RGS7: variants seen among roughly 807,000 people sequenced by gnomAD.
The protein encoded by RGS7 is regulator of G-protein signaling 7.
A neutral mutation model predicts 81.1 loss-of-function variants in RGS7; 27 were observed. The observed-to-expected ratio is 0.33, with a 90% CI of 0.25 to 0.46. The LOEUF is 0.46. Ranked by LOEUF, RGS7 falls within the 20% of genes least tolerant of loss-of-function variation. RGS7 has a pLI of 1.00. For synonymous variants in RGS7, 208 were observed against 207.7 expected, an observed-to-expected ratio of 1.00 and a Z score of -0.01; for missense variants, 396 against 607.4, an observed-to-expected ratio of 0.65 and a Z score of 3.66.
chr1:241,078,301 CTGTGTGTGTG>C (rs71568986), intron 3 of RGS7, among the ~76,000 whole-genome samples: 42 of 130,268 alleles, frequency 3.2e-4, no homozygotes, highest in Non-Finnish European at 4.3e-4. Context: ...CTTCTGGTCT[CTGTGTGTGTG>C]TGTGTGTGTG....
At chr1:240,953,092 T>C (rs1240930099) in intron 4 of RGS7, among the ~76,000 whole-genome samples, 1 of 151,718 alleles carries the variant, frequency 6.6e-6, no homozygotes, top group African/African-American at 2.4e-5. Flanking sequence ...TAGAGAGAAC[T>C]GAAAGGAAAA....
At chr1:241,240,726 C>A (rs2076221803) in intron 2 of RGS7, among the ~76,000 whole-genome samples, 1 of 152,108 alleles carries the variant, frequency 6.6e-6, no homozygotes, top group Non-Finnish European at 1.5e-5. Flanking sequence ...TAATGTTAAT[C>A]ATAACATGGA....
At chr1:241,354,051 G>A (rs1242664862) in intron 2 of RGS7, among the ~76,000 whole-genome samples, 4 of 152,018 alleles carry the variant, frequency 2.6e-5, no homozygotes, top group Admixed American at 1.3e-4. Flanking sequence ...AAACAGAGAG[G>A]GAATACAATT....
At chr1:240,793,312 A>G (rs888093852) in intron 18 of RGS7, among the ~76,000 whole-genome samples, 6 of 152,122 alleles carry the variant, frequency 3.9e-5, no homozygotes, top group Non-Finnish European at 7.3e-5. Flanking sequence ...GGTCTGATAC[A>G]TTGCACACCA....
chr1:240,915,499 G>T (rs879942368), intron 6 of RGS7, among the ~76,000 whole-genome samples: 10 of 152,140 alleles, frequency 6.6e-5, no homozygotes, highest in Admixed American at 5.9e-4. Flanking sequence ...TTAAGAAGAA[G>T]TTTCTAGGAA....
Position 240,970,235 on chromosome 1 carries a change from GC to G in RGS7, c.226+12843del, listed in dbSNP as rs562059940. On this transcript the variant is annotated intron_variant, in intron 4 of 18. Transcript: ENST00000440928. ...CAGCCAGAAACTCAAACCTGAAAAA[GC>G]CTTTATCAACGGGAAAGATGGTCTG... Among the ~76,000 whole-genome samples the G allele has an allele frequency of 2.6e-5, 4 of 152,174 alleles. No homozygotes were observed. In the South Asian group the frequency reaches 6.2e-4, roughly 24 times the overall value.
intron 2 of RGS7, among the ~76,000 whole-genome samples, chr1:241,100,172 G>C (rs910697728): frequency 1.3e-5 from 2 of 150,570 alleles, no homozygotes; most frequent in African/African-American, 2.4e-5. Flanking sequence ...TCAGGAGATC[G>C]AGACCATCCT....
intron 2 of RGS7, among the ~76,000 whole-genome samples, chr1:241,166,247 A>G (rs1422866176): frequency 6.6e-6 from 1 of 152,238 alleles, no homozygotes; most frequent in East Asian, 1.9e-4. Flanking sequence ...TGAGTGGGGA[A>G]AACATTTTAG....
intron 2 of RGS7, among the ~76,000 whole-genome samples, chr1:241,133,168 C>T (rs999485701): frequency 1.3e-5 from 2 of 151,450 alleles, no homozygotes; most frequent in African/African-American, 4.9e-5. Context: ...AAGTGAAATG[C>T]TTTTTATTTA....
chr1:241,152,140 C>CAA lies in RGS7; in HGVS notation c.79-53380_79-53379dup, dbSNP rs112950850. On this transcript the variant is annotated intron_variant, in intron 2 of 18. Transcript: ENST00000440928. ...CCAATAATTCCAGCTCATTAGCAGCCAAAAAAAAAAAAAAAGATCTTTGGG... is the reference window on the plus strand; with the variant it reads ...CCAATAATTCCAGCTCATTAGCAGCCAAAAAAAAAAAAAAAAAGATCTTTGGG... Among the ~76,000 whole-genome samples the CAA allele has an allele frequency of 3.0e-3, 321 of 108,488 alleles. 1 individual carries two copies. The highest frequency in any genetic ancestry group is 4.0e-3 in the Non-Finnish European group (187 of 47,262). 71.2% of individuals were successfully genotyped at this position (108,488 alleles called of 152,430 possible).
chr1:241,313,858 T>G (rs1226852246), intron 2 of RGS7, among the ~76,000 whole-genome samples: 1 of 152,166 alleles, frequency 6.6e-6, no homozygotes, highest in East Asian at 1.9e-4. Context: ...CCAACCCTCA[T>G]GGGTGACTTA....
chr1:240,815,886 A>C (rs1381813578), intron 11 of RGS7, among the ~76,000 whole-genome samples: 1 of 152,264 alleles, frequency 6.6e-6, no homozygotes, highest in Non-Finnish European at 1.5e-5. Context: ...AGAAATCAGC[A>C]CTGCAGAAAG....
At chr1:240,988,790 G>A (rs9786932) in intron 3 of RGS7, among the ~76,000 whole-genome samples, 65,212 of 151,906 alleles carry the variant, frequency 0.43, 14,523 homozygotes, top group African/African-American at 0.54. Flanking sequence ...ATTAATGGCC[G>A]GTGTCCTAGT....
At chr1:240,818,084 T>G (rs543818945) in intron 10 of RGS7, among the ~76,000 whole-genome samples, 20 of 152,336 alleles carry the variant, frequency 1.3e-4, no homozygotes, top group African/African-American at 3.8e-4. Context: ...TTTTTCTTTT[T>G]TTATAATGCC....
At chr1:241,137,954 T>TGA (rs2067641351) in intron 2 of RGS7, among the ~76,000 whole-genome samples, 1 of 152,128 alleles carries the variant, frequency 6.6e-6, no homozygotes, top group Admixed American at 6.5e-5. Context: ...GCAGATCACC[T>TGA]GAGGTCGGGA....
chr1:240,944,278 GTGTGTATATATATATATA>G (rs1423535237), intron 4 of RGS7, among the ~76,000 whole-genome samples: 91 of 20,434 alleles, frequency 4.5e-3, no homozygotes, highest in African/African-American at 0.013. Context: ...GTGTGTGTGT[GTGTGTATATATATATATA>G]TATATATATA....
intron 9 of RGS7, among the ~76,000 whole-genome samples, chr1:240,858,218 T>C (rs1661510211): frequency 6.6e-6 from 1 of 152,238 alleles, no homozygotes; most frequent in Non-Finnish European, 1.5e-5. Context: ...TAGGTTTTTG[T>C]GTGAACAGAA....
chr1:241,069,292 C>G (rs115868543), intron 3 of RGS7, among the ~76,000 whole-genome samples: 4,569 of 152,220 alleles, frequency 0.03, 83 homozygotes, highest in Middle Eastern at 0.058. Context: ...GCAATTGATT[C>G]TCACTTATTC....
intron 14 of RGS7, among the ~76,000 whole-genome samples, chr1:240,811,056 G>C (rs1161781589): frequency 1.3e-5 from 2 of 152,188 alleles, no homozygotes; most frequent in African/African-American, 2.4e-5. Context: ...CTCCTGAAAA[G>C]AACGTGACCA....
Sources: allele counts gnomAD v4.1 joint callset (sites outside exome capture counted in the v4.1 genomes callset), GRCh38; gene constraint gnomAD v4.1.1; transcripts MANE v1.5; gene names NCBI Gene and HGNC (gene_info 2026-07-23, HGNC 2026-07-21).